CSMD1: variants seen among roughly 807,000 people sequenced by gnomAD.
CSMD1 encodes CUB and Sushi multiple domains 1.
Under a neutral mutation model 417.5 loss-of-function variants are expected in CSMD1, and 213 were observed. The ratio of observed to expected loss-of-function variants is 0.51; its 90% CI spans 0.46 to 0.57. The LOEUF is 0.57. Among genes scored for constraint, CSMD1 ranks in the 20% least tolerant of loss-of-function variants. The pLI is 0.00. For synonymous variants in CSMD1, 2,862 were observed against 1,736.8 expected (o/e 1.65, Z -16.11); for missense variants, 6,923 against 4,529.7 (o/e 1.53, Z -15.17).
chr8:4,080,478 C>G (rs528412547), intron 3 of CSMD1, among the ~76,000 whole-genome samples: 1 of 152,288 alleles, frequency 6.6e-6, no homozygotes, highest in South Asian at 2.1e-4. Context: ...TTATTAAGCT[C>G]TCTGGGTTCC....
At chr8:3,468,332 G>C (rs139438737) in intron 12 of CSMD1, among the ~76,000 whole-genome samples, 1 of 152,136 alleles carries the variant, frequency 6.6e-6, no homozygotes, top group Non-Finnish European at 1.5e-5. Context: ...ATTTATAATT[G>C]TAAGTATTTT....
At chr8:4,178,897 A>G (rs1477223627) in intron 3 of CSMD1, among the ~76,000 whole-genome samples, 1 of 152,200 alleles carries the variant, frequency 6.6e-6, no homozygotes, top group Non-Finnish European at 1.5e-5. Flanking sequence ...TTCAAGGAGA[A>G]CTACAAACCA....
chr8:4,146,633 A>T (rs546479691), intron 3 of CSMD1, among the ~76,000 whole-genome samples: 2 of 47,948 alleles, frequency 4.2e-5, no homozygotes, highest in South Asian at 7.7e-4. Flanking sequence ...TTTTTTTGAG[A>T]CAGAGTCTCG....
intron 6 of CSMD1, among the ~76,000 whole-genome samples, chr8:3,746,279 T>G (rs1208724729): frequency 6.6e-6 from 1 of 152,224 alleles, no homozygotes; most frequent in African/African-American, 2.4e-5. Flanking sequence ...ACGAAGGGAT[T>G]GATAACCTAC....
chr8:3,768,854 A>C (rs1427306904), intron 5 of CSMD1, among the ~76,000 whole-genome samples: 5 of 152,206 alleles, frequency 3.3e-5, no homozygotes, highest in Non-Finnish European at 7.3e-5. Flanking sequence ...GAAAAAATGC[A>C]CAGGCTCTAG....
At chr8:4,087,268 T>C (rs2130834580) in intron 3 of CSMD1, among the ~76,000 whole-genome samples, 1 of 152,260 alleles carries the variant, frequency 6.6e-6, no homozygotes, top group East Asian at 1.9e-4. Context: ...CAGTTCAACT[T>C]CTCTTGCTCA....
chr8:4,076,865 A>G (rs1264582707), intron 3 of CSMD1, among the ~76,000 whole-genome samples: 1 of 151,926 alleles, frequency 6.6e-6, no homozygotes, highest in Non-Finnish European at 1.5e-5. Context: ...CTCTTTTCTC[A>G]TTTTTTCCAT....
chr8:3,151,556 C>G (rs1021711297), intron 39 of CSMD1, 43 bp from the exon 40 acceptor site: 1 of 1,293,478 alleles, frequency 7.7e-7, no homozygotes, highest in East Asian at 2.4e-5. Flanking sequence ...TCCTCACTTT[C>G]TCCCTGGAAT....
chr8:3,790,117 T>A (rs774960834), intron 5 of CSMD1, among the ~76,000 whole-genome samples: 1 of 152,242 alleles, frequency 6.6e-6, no homozygotes, highest in Non-Finnish European at 1.5e-5. Context: ...TAGCTGCTTA[T>A]AGTTATTTTC....
chr8:4,399,292 G>C (rs1804485194), intron 3 of CSMD1, among the ~76,000 whole-genome samples: 1 of 152,192 alleles, frequency 6.6e-6, no homozygotes, highest in Non-Finnish European at 1.5e-5. Flanking sequence ...CATTAGTAAT[G>C]AGGGAGCTTC....
chr8:3,148,061 G>A (rs1052503305), intron 40 of CSMD1, among the ~76,000 whole-genome samples: 6 of 152,076 alleles, frequency 3.9e-5, no homozygotes, highest in African/African-American at 1.4e-4. Flanking sequence ...CTCCCTGCTT[G>A]TCCCATTAGG....
At chr8:3,429,509 A>C (rs1397395166) in intron 12 of CSMD1, among the ~76,000 whole-genome samples, 1 of 152,148 alleles carries the variant, frequency 6.6e-6, no homozygotes, top group Non-Finnish European at 1.5e-5. Context: ...TGCAGGGAAA[A>C]AGGCATGAAG....
rs78120230 is a variant in CSMD1 at position 4,981,461 on chromosome 8, A to G, written c.85+12871T>C. Among the ~76,000 whole-genome samples the G allele has an allele frequency of 1.1e-3, 169 of 152,282 alleles. 1 individual carries two copies. Among genetic ancestry groups the G allele is most frequent in the African/African-American group, 4.0e-3 (165 of 41,564 alleles). The stretch of plus-strand genomic sequence containing the variant: ...AGTGTCCTCTCTGTGCACAACCAAA[A>G]CCTGATATCATCAATTAGAGTTTCA... On this transcript the variant is annotated intron_variant, in intron 1 of 69. Transcript: ENST00000635120.
intron 3 of CSMD1, among the ~76,000 whole-genome samples, chr8:4,189,107 G>T (rs1798863825): frequency 2.0e-5 from 3 of 152,178 alleles, no homozygotes; most frequent in Admixed American, 2.0e-4. Flanking sequence ...TTCACGTTTT[G>T]GTTTACTCAA....
chr8:4,003,407 C>CAAAA (rs201194875), intron 4 of CSMD1, among the ~76,000 whole-genome samples: 1 of 118,012 alleles, frequency 8.5e-6, no homozygotes, highest in Non-Finnish European at 1.8e-5. Flanking sequence ...AACAAACAAA[C>CAAAA]AAAAAAACAA....
chr8:4,176,068 A>G (rs745571662), intron 3 of CSMD1, among the ~76,000 whole-genome samples: 4 of 152,072 alleles, frequency 2.6e-5, no homozygotes, highest in Non-Finnish European at 5.9e-5. Context: ...TGTGACTTAG[A>G]TGTGGAACCC....
At chr8:4,393,902 C>G (rs1804029277) in intron 3 of CSMD1, among the ~76,000 whole-genome samples, 1 of 152,196 alleles carries the variant, frequency 6.6e-6, no homozygotes, top group Admixed American at 6.6e-5. Context: ...ATATACCTTT[C>G]CATCTTAAAT....
At chr8:3,383,927 G>C (rs1180889940) in intron 18 of CSMD1, among the ~76,000 whole-genome samples, 1 of 152,136 alleles carries the variant, frequency 6.6e-6, no homozygotes, top group Non-Finnish European at 1.5e-5. Context: ...CCATAATATG[G>C]ATGGACCCCA....
intron 17 of CSMD1, among the ~76,000 whole-genome samples, chr8:3,389,936 T>G (rs1006500332): frequency 3.9e-5 from 6 of 151,964 alleles, no homozygotes; most frequent in South Asian, 4.1e-4. Flanking sequence ...TACAAACTGT[T>G]TGAATGGAGA....
Sources: allele counts gnomAD v4.1 joint callset (sites outside exome capture counted in the v4.1 genomes callset), GRCh38; gene constraint gnomAD v4.1.1; transcripts MANE v1.5; gene names NCBI Gene and HGNC (gene_info 2026-07-23, HGNC 2026-07-21).